The following SMIM38 variants were observed in gnomAD, a reference collection of about 807,000 sequenced individuals.
The protein encoded by SMIM38 is small integral membrane protein 38.
At position 69,161,326 on chromosome 11, in the gene SMIM38, G is replaced by C. The variant is rs116041673; in HGVS notation, c.*3230G>C. ...TATAAAGAAACAGAGGCAAAATGGC[G>C]ATCAGGCAGGCAACTGGGTGGTCTC... is the stretch of plus-strand genomic sequence containing the variant. On this transcript the variant is annotated 3_prime_UTR_variant, in exon 3 of 3. Coordinates refer to ENST00000686237, the MANE Select transcript of SMIM38 (RefSeq NM_001369201.2). 4 of 152,254 alleles carry C rather than the reference G, an allele frequency of 2.6e-5. No individual in the cohort carries two copies. The highest frequency in any genetic ancestry group is 9.6e-5 in the African/African-American group (4 of 41,464). 9.4% of individuals were successfully genotyped at this position (152,254 alleles called of 1,614,324 possible).
In SMIM38 at chr11:69,162,223, T is replaced by C. The variant is rs997883013; in HGVS notation, c.*4127T>C. The C allele has an allele frequency of 6.6e-6, 1 of 152,196 alleles. No individual in the cohort carries two copies. Among genetic ancestry groups the C allele is most frequent in the Non-Finnish European group, 1.5e-5 (1 of 68,042 alleles). 9.4% of individuals were successfully genotyped at this position (152,196 alleles called of 1,614,324 possible). On this transcript the variant is annotated 3_prime_UTR_variant, in exon 3 of 3. Coordinates refer to ENST00000686237, the MANE Select transcript of SMIM38 (RefSeq NM_001369201.2). ...GGTAAGGGTAGTGGGCAGAGAGACC[T>C]GGAAACAGATATTAGACCTGCACTA... is the stretch of plus-strand genomic sequence containing the variant.
At position 69,160,503 on chromosome 11, in the gene SMIM38, T is replaced by C. The variant is rs1255382986; in HGVS notation, c.*2407T>C. 2 of 152,222 alleles carry C rather than the reference T, an allele frequency of 1.3e-5. No individual in the cohort carries two copies. The highest frequency in any genetic ancestry group is 4.8e-5 in the African/African-American group (2 of 41,436). 9.4% of individuals were successfully genotyped at this position (152,222 alleles called of 1,614,324 possible). On this transcript the variant is annotated 3_prime_UTR_variant, in exon 3 of 3. Coordinates refer to ENST00000686237, the MANE Select transcript of SMIM38 (RefSeq NM_001369201.2). ...ATGCCCGGCCTCAGAATCCTGGGAC[T>C]TCTGCTGGAGCCAGGGGTCAGAACA...
In SMIM38 at chr11:69,161,704, A is replaced by T. The variant is rs1327296411; in HGVS notation, c.*3608A>T. The T allele has an allele frequency of 6.6e-6, 1 of 152,216 alleles. No individual in the cohort carries two copies. The highest frequency in any genetic ancestry group is 1.5e-5 in the Non-Finnish European group (1 of 68,038). 9.4% of individuals were successfully genotyped at this position (152,216 alleles called of 1,614,324 possible). A position where few individuals can be genotyped will look rare whatever the true frequency, so the allele number is the denominator to read the frequency against. On this transcript the variant is annotated 3_prime_UTR_variant, in exon 3 of 3. Coordinates refer to ENST00000686237, the MANE Select transcript of SMIM38 (RefSeq NM_001369201.2). The stretch of plus-strand genomic sequence containing the variant: ...ATGGAACGGAGACAGTGAAGAATTG[A>T]TGGATAAATGAATAATGATGATGGA...
Position 69,162,023 on chromosome 11 carries a change from A to G in SMIM38, c.*3927A>G, listed in dbSNP as rs938701055. 8 of 152,180 alleles carry G rather than the reference A, an allele frequency of 5.3e-5. No homozygotes were observed. Among genetic ancestry groups the G allele is most frequent in the African/African-American group, 1.9e-4 (8 of 41,438 alleles). 9.4% of individuals were successfully genotyped at this position (152,180 alleles called of 1,614,324 possible). The stretch of plus-strand genomic sequence containing the variant: ...CAAGCCAAGATGAGAGGACTCAGGA[A>G]GAACCAGCCGACTCCACCCTTCAAA... On this transcript the variant is annotated 3_prime_UTR_variant, in exon 3 of 3. Coordinates refer to ENST00000686237, the MANE Select transcript of SMIM38 (RefSeq NM_001369201.2).
rs1555009609 is a variant in SMIM38, at chr11:69,156,609, T to TGC, written c.-674+501_-674+502dup. On this transcript the variant is annotated intron_variant, in intron 1 of 2. Transcript: ENST00000686237. ...GTGTATGCGTGTGTGTGTGTGTGTG[T>TGC]GCGCGCGTGTGGCAGTCAGAGAAGG... Among the ~76,000 whole-genome samples the TGC allele has an allele frequency of 1.1e-3, 147 of 139,598 alleles. 1 individual carries two copies. The highest frequency in any genetic ancestry group is 4.5e-4 in the East Asian group (2 of 4,478). The allele number at this position is 139,598 out of a possible 152,430, so 91.6% of individuals were successfully genotyped here.
Position 69,159,362 on chromosome 11 carries a change from G to A in SMIM38, c.*1349+11G>A, listed in dbSNP as rs974333417. ...GCTGAATGAACCCAGGTGAGGACCAGAAACGCTGTTATCACTGTTTCTGCG... is the reference window on the plus strand; with the variant it reads ...GCTGAATGAACCCAGGTGAGGACCAAAAACGCTGTTATCACTGTTTCTGCG... On this transcript the variant is annotated intron_variant, in intron 2 of 2. Coordinates refer to ENST00000686237, the MANE Select transcript of SMIM38 (RefSeq NM_001369201.2). 1 of 152,108 alleles carries A rather than the reference G, an allele frequency of 6.6e-6. No homozygotes were observed. Among genetic ancestry groups the A allele is most frequent in the African/African-American group, 2.4e-5 (1 of 41,382 alleles). 9.4% of individuals were successfully genotyped at this position (152,108 alleles called of 1,614,324 possible).
chr11:69,160,725 A>T lies in SMIM38; in HGVS notation c.*2629A>T, dbSNP rs1857045717. 2 of 152,254 alleles carry T rather than the reference A, an allele frequency of 1.3e-5. No individual in the cohort carries two copies. Among genetic ancestry groups the T allele is most frequent in the Non-Finnish European group, 2.9e-5 (2 of 68,060 alleles). 9.4% of individuals were successfully genotyped at this position (152,254 alleles called of 1,614,324 possible). A position where few individuals can be genotyped will look rare whatever the true frequency, so the allele number is the denominator to read the frequency against. On this transcript the variant is annotated 3_prime_UTR_variant, in exon 3 of 3. Coordinates refer to ENST00000686237, the MANE Select transcript of SMIM38 (RefSeq NM_001369201.2). Reference sequence around the variant, plus strand: ...TGGTTTCTGTTCCTGGAAAATGGACACAATTCTGATGAATTCATGTATTCT... The same window carrying T: ...TGGTTTCTGTTCCTGGAAAATGGACTCAATTCTGATGAATTCATGTATTCT...
chr11:69,159,925 G>T lies in SMIM38; in HGVS notation c.*1829G>T, dbSNP rs1340929955. The T allele has an allele frequency of 6.6e-6, 1 of 152,238 alleles. No individual in the cohort carries two copies. Among genetic ancestry groups the T allele is most frequent in the Non-Finnish European group, 1.5e-5 (1 of 68,050 alleles). 9.4% of individuals were successfully genotyped at this position (152,238 alleles called of 1,614,324 possible). A position where few individuals can be genotyped will look rare whatever the true frequency, so the allele number is the denominator to read the frequency against. ...ACCGACAGAGCTAGGAGGGCCAGCT[G>T]TTCCGGGTTGCCCAGGGCTGTCTTG... is the stretch of plus-strand genomic sequence containing the variant. On this transcript the variant is annotated 3_prime_UTR_variant, in exon 3 of 3. Coordinates refer to ENST00000686237, the MANE Select transcript of SMIM38 (RefSeq NM_001369201.2).
chr11:69,157,645 A>T lies in SMIM38; in HGVS notation c.-202A>T, dbSNP rs1043943495. ...GGCCCCGGGCTGGAGTCTGGCGGGC[A>T]GATCTGGCCTGCTTGGTGGCACCAG... On this transcript the variant is annotated 5_prime_UTR_variant, in exon 2 of 3. Transcript: ENST00000686237. The T allele has an allele frequency of 7.6e-6, 3 of 394,152 alleles. No homozygotes were observed. The highest frequency in any genetic ancestry group is 1.3e-5 in the Non-Finnish European group (3 of 223,844). 24.4% of individuals were successfully genotyped at this position (394,152 alleles called of 1,614,324 possible). A position where few individuals can be genotyped will look rare whatever the true frequency, so the allele number is the denominator to read the frequency against.
Position 69,158,269 on chromosome 11 carries a change from C to T in SMIM38, c.*267C>T, listed in dbSNP as rs1857015977. 2 of 337,248 alleles carry T rather than the reference C, an allele frequency of 5.9e-6. No individual in the cohort carries two copies. Among genetic ancestry groups the T allele is most frequent in the Non-Finnish European group, 1.1e-5 (2 of 187,432 alleles). The allele number at this position is 337,248 out of a possible 1,614,324, so 20.9% of individuals were successfully genotyped here. ...GGGTCCCCGGTTGCAGGGAGTGGTC[C>T]TGGGGGTGGGTCTTGCTTTAAGACC... On this transcript the variant is annotated 3_prime_UTR_variant, in exon 2 of 3. Coordinates refer to ENST00000686237, the MANE Select transcript of SMIM38 (RefSeq NM_001369201.2).
rs778765683 is a variant in SMIM38, at chr11:69,160,656, A to T, written c.*2560A>T. The T allele has an allele frequency of 1.3e-5, 2 of 152,248 alleles. No homozygotes were observed. Among genetic ancestry groups the T allele is most frequent in the Non-Finnish European group, 2.9e-5 (2 of 68,066 alleles). The allele number at this position is 152,248 out of a possible 1,614,324, so 9.4% of individuals were successfully genotyped here. ...CCTCCTCCGACTCCCTATCTCAGTT[A>T]CACTGGTCCATAATTTCTTTTCTTT... On this transcript the variant is annotated 3_prime_UTR_variant, in exon 3 of 3. Transcript: ENST00000686237.
chr11:69,159,063 GA>G lies in SMIM38; in HGVS notation c.*1062del, dbSNP rs1857026438. ...GCATCGAACCAGATATCGTCTCTGG[GA>G]GGCTGGGCCTGGTGATGTGGCAACG... On this transcript the variant is annotated 3_prime_UTR_variant, in exon 2 of 3. Coordinates refer to ENST00000686237, the MANE Select transcript of SMIM38 (RefSeq NM_001369201.2). 1.3e-5 allele frequency: 2 copies of G among 152,294 alleles called. No homozygotes were observed. Among genetic ancestry groups the G allele is most frequent in the African/African-American group, 2.4e-5 (1 of 41,462 alleles). The allele number at this position is 152,294 out of a possible 1,614,324, so 9.4% of individuals were successfully genotyped here. A position where few individuals can be genotyped will look rare whatever the true frequency, so the allele number is the denominator to read the frequency against.
At position 69,160,172 on chromosome 11, in the gene SMIM38, T is replaced by A. The variant is rs1251991938; in HGVS notation, c.*2076T>A. The A allele has an allele frequency of 6.7e-6, 1 of 149,588 alleles. No individual in the cohort carries two copies. Among genetic ancestry groups the A allele is most frequent in the Non-Finnish European group, 1.5e-5 (1 of 67,742 alleles). 9.3% of individuals were successfully genotyped at this position (149,588 alleles called of 1,614,324 possible). On this transcript the variant is annotated 3_prime_UTR_variant, in exon 3 of 3. Transcript: ENST00000686237. Reference sequence around the variant, plus strand: ...CTCTTGGTCCAGTGAGCCAGAATCCTGGGACTTCATCATCTTTTTTTTTTT... The same window carrying A: ...CTCTTGGTCCAGTGAGCCAGAATCCAGGGACTTCATCATCTTTTTTTTTTT...
intron 1 of SMIM38, among the ~76,000 whole-genome samples, chr11:69,156,403 C>A (rs1245740066): frequency 6.6e-6 from 1 of 152,204 alleles, no homozygotes; most frequent in African/African-American, 2.4e-5. Flanking sequence ...ACTGGGGCCC[C>A]TTTGCTTTAC....
At position 69,159,348 on chromosome 11, in the gene SMIM38, C is replaced by T. The variant is rs1857029726; in HGVS notation, c.*1346C>T. 6.6e-6 allele frequency: 1 copy of T among 152,160 alleles called. No individual in the cohort carries two copies. Among genetic ancestry groups the T allele is most frequent in the Admixed American group, 6.5e-5 (1 of 15,282 alleles). The allele number at this position is 152,160 out of a possible 1,614,324, so 9.4% of individuals were successfully genotyped here. A position where few individuals can be genotyped will look rare whatever the true frequency, so the allele number is the denominator to read the frequency against. On this transcript the variant is annotated 3_prime_UTR_variant, in exon 2 of 3. Coordinates refer to ENST00000686237, the MANE Select transcript of SMIM38 (RefSeq NM_001369201.2). ...CTTGCTGTGTCCTGGCTGAATGAAC[C>T]CAGGTGAGGACCAGAAACGCTGTTA...
intron 1 of SMIM38, 107 bp from the exon 2 acceptor site, chr11:69,157,067 G>A (rs1048900152): frequency 3.3e-5 from 5 of 152,392 alleles, no homozygotes; most frequent in African/African-American, 1.2e-4. Context: ...GCCATCAGAG[G>A]CCCAGAGCGC....
rs773223320 is a variant in SMIM38 at position 69,157,426 on chromosome 11, C to A, written c.-421C>A. On this transcript the variant is annotated 5_prime_UTR_variant, in exon 2 of 3. It introduces an in-frame stop codon into an upstream open reading frame of the 5' UTR. Coordinates refer to ENST00000686237, the MANE Select transcript of SMIM38 (RefSeq NM_001369201.2). Reference sequence around the variant, plus strand: ...TGCCGCCGGGGATGTTTGCAGATTACGTCAGCGCTGGCGAGCAGGGGGCGC... The same window carrying A: ...TGCCGCCGGGGATGTTTGCAGATTAAGTCAGCGCTGGCGAGCAGGGGGCGC... The A allele has an allele frequency of 1.3e-5, 2 of 158,286 alleles. No homozygotes were observed. The highest frequency in any genetic ancestry group is 4.8e-5 in the African/African-American group (2 of 41,712). 9.8% of individuals were successfully genotyped at this position (158,286 alleles called of 1,614,324 possible). A position where few individuals can be genotyped will look rare whatever the true frequency, so the allele number is the denominator to read the frequency against.
Position 69,157,980 on chromosome 11 carries a change from C to A in SMIM38, c.134C>A (p.Pro45His). ...GACTACAGACTGGCCCAGCGGCGGC[C>A]CCAGAAACCCAAGCAGGACTAAGCC... ...YIDYRLAQRRPQKPKQD is the reference protein window; with the variant it reads ...YIDYRLAQRRHQKPKQD The change falls in exon 2 of 3, where the codon CCC (proline) becomes CAC (histidine). Residue 45 changes from proline (P) to histidine (H), a missense_variant. Transcript: ENST00000686237. 2.5e-6 allele frequency: 1 copy of A among 398,834 alleles called. No homozygotes were observed. Among genetic ancestry groups the A allele is most frequent in the Non-Finnish European group, 4.4e-6 (1 of 226,264 alleles). The allele number at this position is 398,834 out of a possible 1,614,324, so 24.7% of individuals were successfully genotyped here. A position where few individuals can be genotyped will look rare whatever the true frequency, so the allele number is the denominator to read the frequency against.
In SMIM38 at chr11:69,157,977, G is replaced by A. The variant is rs1005857592; in HGVS notation, c.131G>A (p.Arg44Gln). ...ATCGACTACAGACTGGCCCAGCGGC[G>A]GCCCCAGAAACCCAAGCAGGACTAA... ...TYIDYRLAQRRPQKPKQD is the reference protein window; with the variant it reads ...TYIDYRLAQRQPQKPKQD The change falls in exon 2 of 3, where the codon CGG becomes CAG. Residue 44 changes from arginine to glutamine, a missense_variant. Physicochemically the swap from Arg to Gln is conservative, Grantham distance 43. Coordinates refer to ENST00000686237, the MANE Select transcript of SMIM38 (RefSeq NM_001369201.2). 8 of 398,678 alleles carry A rather than the reference G, an allele frequency of 2.0e-5. No homozygotes were observed. The highest frequency in any genetic ancestry group is 7.1e-5 in the East Asian group (2 of 28,082). 24.7% of individuals were successfully genotyped at this position (398,678 alleles called of 1,614,324 possible). A position where few individuals can be genotyped will look rare whatever the true frequency, so the allele number is the denominator to read the frequency against.
Sources: gnomAD v4.1 joint callset for allele counts (sites outside exome capture counted in the v4.1 genomes callset) on GRCh38, gnomAD v4.1.1 for gene constraint, MANE v1.5 for transcripts, NCBI Gene and HGNC (gene_info 2026-07-23, HGNC 2026-07-21) for gene names.